Variants in ZNF816 observed in about 807,000 individuals in gnomAD.
The protein encoded by ZNF816 is zinc finger protein 816A.
Under a neutral mutation model 8.3 loss-of-function variants are expected in ZNF816, and 11 were observed. That is an observed-to-expected ratio of 1.32 (90% CI 0.83 to 2.19). The LOEUF (loss-of-function observed/expected upper bound fraction) is 2.19, where lower values mean the gene tolerates loss of function less well. Ranked by LOEUF, ZNF816 falls within the 30% of genes most tolerant of loss-of-function variation. The pLI is 0.00. For missense variants in ZNF816, 710 were observed against 779.3 expected, an observed-to-expected ratio of 0.91 and a Z score of 1.06; for synonymous variants, 255 against 254.5, an observed-to-expected ratio of 1.00 and a Z score of -0.02.
chr19:52,956,125 A>G, intron 1 of ZNF816, 21 bp from the exon 2 acceptor site: 1 of 1,595,590 alleles, frequency 6.3e-7, no homozygotes, highest in Non-Finnish European at 8.5e-7. Context: ...AAAAAGCAAG[A>G]GATTTAATAT....
rs2083570201 is a variant in ZNF816 at position 52,962,878 on chromosome 19, CTG to C, written c.-169_-168del. ...CAGTCCACGCCATCCGCTTCCGGGT[CTG>C]TGCCAATCGGCGCAGGACAGAAGCG... On this transcript the variant is annotated 5_prime_UTR_variant, in exon 1 of 4. Transcript: ENST00000444460. 6.6e-6 allele frequency: 1 copy of C among 152,630 alleles called. No homozygotes were observed. The highest frequency in any genetic ancestry group is 2.1e-4 in the South Asian group (1 of 4,844). 9.5% of individuals were successfully genotyped at this position (152,630 alleles called of 1,614,324 possible). A position where few individuals can be genotyped will look rare whatever the true frequency, so the allele number is the denominator to read the frequency against.
rs1269751591 is a variant in ZNF816 at position 52,951,911 on chromosome 19, A to G, written c.191-327T>C. 16 of 418,954 alleles carry G rather than the reference A, an allele frequency of 3.8e-5. No individual in the cohort carries two copies. In the East Asian group the frequency reaches 4.9e-4, roughly 13 times the overall value. 26.0% of individuals were successfully genotyped at this position (418,954 alleles called of 1,614,324 possible). ...AAAATTCTGTGTAGAAAAAAAAAAGAGTTCAGTCAAGAGCCTCATATATAT... is the reference window on the plus strand; with the variant it reads ...AAAATTCTGTGTAGAAAAAAAAAAGGGTTCAGTCAAGAGCCTCATATATAT... On this transcript the variant is annotated intron_variant, in intron 3 of 3. Coordinates refer to ENST00000444460, the MANE Select transcript of ZNF816 (RefSeq NM_001202457.3).
Position 52,951,006 on chromosome 19 carries a change from A to G in ZNF816, c.769T>C (p.Tyr257His). Residue 257 changes from tyrosine to histidine, a missense_variant, in exon 4 of 4, where the codon TAT becomes CAT. Tyr to His is a moderately conservative substitution (Grantham distance 83). Transcript: ENST00000444460. Reference sequence around the variant, plus strand: ...ATCTTGCCACATACATCACATTTATATTCTCTCTCTCTTGAATGGGTTATG... The same window carrying G: ...ATCTTGCCACATACATCACATTTATGTTCTCTCTCTCTTGAATGGGTTATG... ...HHITHSRERE[Y>H]KCDVCGKIFN... 6.2e-7 allele frequency: 1 copy of G among 1,614,168 alleles called. No homozygotes were observed. The highest frequency in any genetic ancestry group is 8.5e-7 in the Non-Finnish European group (1 of 1,180,032).
chr19:52,956,421 A>G (rs567868003), intron 1 of ZNF816, among the ~76,000 whole-genome samples: 4 of 152,352 alleles, frequency 2.6e-5, no homozygotes, highest in South Asian at 2.1e-4. Context: ...TGGATCACAG[A>G]CTGATCTCAG....
rs756641580 is a variant in ZNF816 at position 52,949,877 on chromosome 19, T to C, written c.1898A>G (p.Gln633Arg). ...CNECGKAFTG[Q>R]STLIHHQAIH... ...TGCTTGATGGTGAATAAGTGTTGAC[T>C]GTCCAGTAAAGGCTTTGCCACACTC... Residue 633 changes from glutamine (Q) to arginine (R), a missense_variant, in exon 4 of 4, where the codon CAG becomes CGG. Transcript: ENST00000444460. 2 of 1,613,588 alleles carry C rather than the reference T, an allele frequency of 1.2e-6. No individual in the cohort carries two copies. The highest frequency in any genetic ancestry group is 1.7e-6 in the Non-Finnish European group (2 of 1,179,742).
intron 3 of ZNF816, 96 bp from the exon 4 acceptor site, chr19:52,951,680 T>C (rs1337399699): frequency 1.5e-5 from 18 of 1,207,836 alleles, no homozygotes; most frequent in Non-Finnish European, 2.1e-5. Flanking sequence ...AAAGCAATAC[T>C]TATTTTAAAC....
In ZNF816 at chr19:52,950,877, G is replaced by A. The variant is rs768074193; in HGVS notation, c.898C>T (p.Leu300Phe). Residue 300 changes from leucine to phenylalanine, a missense_variant, in exon 4 of 4, where the codon CTT (leucine) becomes TTT (phenylalanine). By Grantham distance (22) the Leu-to-Phe change is conservative. Coordinates refer to ENST00000444460, the MANE Select transcript of ZNF816 (RefSeq NM_001202457.3). ...GTATGAAGTCTACGATGGCATACAA[G>A]GGATGACATCTGAGTGAAGGTCTTC... is the stretch of plus-strand genomic sequence containing the variant. ...CGKTFTQMSSLVCHRRLHTGE... is the reference protein window; with the variant it reads ...CGKTFTQMSSFVCHRRLHTGE... 1.2e-6 allele frequency: 2 copies of A among 1,613,924 alleles called. No individual in the cohort carries two copies. Among genetic ancestry groups the A allele is most frequent in the African/African-American group, 1.3e-5 (1 of 74,844 alleles).
chr19:52,949,730 CATTT>C lies in ZNF816; in HGVS notation c.*85_*88del. 1 of 1,597,544 alleles carries C rather than the reference CATTT, an allele frequency of 6.3e-7. No individual in the cohort carries two copies. The highest frequency in any genetic ancestry group is 8.6e-7 in the Non-Finnish European group (1 of 1,168,692). ...TGAATGACGTCTGAAAAATTTGCCA[CATTT>C]ATTACACTTGTAGATCTCTCTTCAA... On this transcript the variant is annotated 3_prime_UTR_variant, in exon 4 of 4. Coordinates refer to ENST00000444460, the MANE Select transcript of ZNF816 (RefSeq NM_001202457.3).
chr19:52,949,502 A>C lies in ZNF816; in HGVS notation c.*317T>G. ...CTTGCCACCCTTACATTTGTAAGGC[A>C]TCTGTCCAGTATGAATTCTCTGATG... On this transcript the variant is annotated 3_prime_UTR_variant, in exon 4 of 4. Transcript: ENST00000444460. 1.8e-6 allele frequency: 1 copy of C among 559,840 alleles called. No homozygotes were observed. The highest frequency in any genetic ancestry group is 3.9e-5 in the East Asian group (1 of 25,590). The allele number at this position is 559,840 out of a possible 1,614,324, so 34.7% of individuals were successfully genotyped here.
Position 52,950,365 on chromosome 19 carries a change from G to A in ZNF816, c.1410C>T (p.Tyr470=), listed in dbSNP as rs1359781047. 4 of 1,612,248 alleles carry A rather than the reference G, an allele frequency of 2.5e-6. No individual in the cohort carries two copies. The highest frequency in any genetic ancestry group is 2.7e-5 in the African/African-American group (2 of 74,378). Residue 470 remains tyrosine, a synonymous_variant, in exon 4 of 4, where the codon TAC becomes TAT. Coordinates refer to ENST00000444460, the MANE Select transcript of ZNF816 (RefSeq NM_001202457.3). ...RSFSRKSSLQ[Y]HHTLHTGEKP... ...TCTCTCCAGTGTGAAGTGTATGATG[G>A]TATTGAAGGGATGACTTCCGACTGA...
At chr19:52,962,579 C>T (rs978835694) in intron 1 of ZNF816, 148 bp downstream of exon 1, 5 of 152,138 alleles carry the variant, frequency 3.3e-5, no homozygotes, top group Non-Finnish European at 7.3e-5. Context: ...TGAAACAGCG[C>T]GAGGCGGGAG....
chr19:52,960,742 A>G (rs1275317805), intron 1 of ZNF816, among the ~76,000 whole-genome samples: 1 of 151,748 alleles, frequency 6.6e-6, no homozygotes, highest in African/African-American at 2.4e-5. Flanking sequence ...CATCCTGACC[A>G]CTCCCACCGC....
intron 1 of ZNF816, among the ~76,000 whole-genome samples, chr19:52,960,730 G>A (rs943956424): frequency 7.2e-5 from 11 of 152,084 alleles, no homozygotes; most frequent in Non-Finnish European, 1.0e-4. Context: ...ACCCCAGACC[G>A]TCATCCTGAC....
At chr19:52,952,675 A>G (rs1431991909) in intron 3 of ZNF816, 76 bp downstream of exon 3, 7 of 1,598,796 alleles carry the variant, frequency 4.4e-6, no homozygotes, top group Non-Finnish European at 5.1e-6. Flanking sequence ...CAAAATCACA[A>G]AAGAGAATAT....
chr19:52,959,883 A>G (rs1455304135), intron 1 of ZNF816: 1 of 152,530 alleles, frequency 6.6e-6, no homozygotes, highest in Non-Finnish European at 1.5e-5. Flanking sequence ...TCCACACCCT[A>G]CTGGGCATCA....
chr19:52,950,033 G>A lies in ZNF816; in HGVS notation c.1742C>T (p.Ala581Val). 6.2e-7 allele frequency: 1 copy of A among 1,613,418 alleles called. No homozygotes were observed. Among genetic ancestry groups the A allele is most frequent in the Non-Finnish European group, 8.5e-7 (1 of 1,179,774 alleles). Residue 581 changes from alanine to valine, a missense_variant, in exon 4 of 4, where the codon GCA becomes GTA. Transcript: ENST00000444460. Reference sequence around the variant, plus strand: ...TCCAGTATGAACTCTCTGATGTTGTGCAAGGATTCCTTTTTGATTAAAAAC... The same window carrying A: ...TCCAGTATGAACTCTCTGATGTTGTACAAGGATTCCTTTTTGATTAAAAAC... ...AKVFNQKGIL[A>V]QHQRVHTGEK...
chr19:52,959,017 G>A (rs564850700), intron 1 of ZNF816, among the ~76,000 whole-genome samples: 4 of 152,334 alleles, frequency 2.6e-5, no homozygotes, highest in South Asian at 2.1e-4. Flanking sequence ...GAGAAAATAC[G>A]GCAGTTAGGG....
At chr19:52,954,315 G>A (rs368525096) in intron 2 of ZNF816, among the ~76,000 whole-genome samples, 5 of 152,046 alleles carry the variant, frequency 3.3e-5, no homozygotes, top group Middle Eastern at 6.8e-3. Context: ...AGCCGATATC[G>A]TGCCACTGCA....
At position 52,957,711 on chromosome 19, in the gene ZNF816, A is replaced by G. The variant is rs745735505; in HGVS notation, c.-15-1607T>C. On this transcript the variant is annotated intron_variant, in intron 1 of 3. Transcript: ENST00000444460. The surrounding 1 kb of genome is among the most constrained non-coding windows in gnomAD (Gnocchi z 4.6). Reference sequence around the variant, plus strand: ...GAGCCATGGGAGTTTTATCAAAGCAAGCTTTCTGTTGCCCCAGACTTGTAC... The same window carrying G: ...GAGCCATGGGAGTTTTATCAAAGCAGGCTTTCTGTTGCCCCAGACTTGTAC... Among the ~76,000 whole-genome samples, 74 of 152,208 alleles carry G rather than the reference A, an allele frequency of 4.9e-4. No individual in the cohort carries two copies. The highest frequency in any genetic ancestry group is 7.9e-4 in the Non-Finnish European group (54 of 68,042).
Sources: gnomAD v4.1 joint callset for allele counts (sites outside exome capture counted in the v4.1 genomes callset) on GRCh38, gnomAD v4.1.1 for gene constraint, Gnocchi (gnomAD v3.1) non-coding constraint, MANE v1.5 for transcripts, NCBI Gene and HGNC (gene_info 2026-07-23, HGNC 2026-07-21) for gene names.